SLC8A1: variants seen among roughly 807,000 people sequenced by gnomAD.
SLC8A1 encodes the protein solute carrier family 8 member A1.
SLC8A1 carries 18 observed loss-of-function variants against 68.3 expected under a neutral mutation model. The ratio of observed to expected loss-of-function variants is 0.26; its 90% CI spans 0.18 to 0.39. SLC8A1 has a LOEUF of 0.39. Ranked by LOEUF, SLC8A1 falls within the 10% of genes least tolerant of loss-of-function variation. The probability of loss-of-function intolerance (pLI) is 1.00; values close to 1 mark genes in which losing one functional copy is unlikely to be tolerated. For synonymous variants in SLC8A1, 475 were observed against 415.5 expected (o/e 1.14, Z -1.74); for missense variants, 985 against 1,156.7 (o/e 0.85, Z 2.15).
chr2:40,347,403 T>C lies in SLC8A1; in HGVS notation c.1808+81070A>G, dbSNP rs550186357. Among the ~76,000 whole-genome samples the C allele has an allele frequency of 5.3e-5, 8 of 152,340 alleles. No homozygotes were observed. The South Asian group carries it at 1.4e-3, about 28-fold the overall frequency. ...CCCATCACAGGGCCTTTGAATGTAC[T>C]ATCGTAGAAGTCAGCAGAGAAAGAA... On this transcript the variant is annotated intron_variant, in intron 2 of 7. Coordinates refer to ENST00000406785, the Ensembl canonical transcript of SLC8A1.
chr2:40,480,071 G>A (rs1411139627), intron 1 of SLC8A1, among the ~76,000 whole-genome samples: 3 of 152,194 alleles, frequency 2.0e-5, no homozygotes, highest in Admixed American at 1.3e-4. Flanking sequence ...AACAGTGCAC[G>A]TTTATTGTTT....
chr2:40,482,297 G>T (rs1376690223), intron 1 of SLC8A1, among the ~76,000 whole-genome samples: 1 of 151,820 alleles, frequency 6.6e-6, no homozygotes, highest in Non-Finnish European at 1.5e-5. Flanking sequence ...GTCATTTATA[G>T]CCTCTGACTC....
upstream of SLC8A1, among the ~76,000 whole-genome samples, chr2:40,454,866 T>C (rs1702910053): frequency 2.6e-5 from 4 of 152,338 alleles, no homozygotes; most frequent in Admixed American, 2.6e-4. Flanking sequence ...AGGAAGACTA[T>C]GGCTCTAAGA....
chr2:40,139,929 C>A (rs1461445883), intron 6 of SLC8A1, among the ~76,000 whole-genome samples: 2 of 152,204 alleles, frequency 1.3e-5, no homozygotes, highest in African/African-American at 4.8e-5. Flanking sequence ...TGCATCCATG[C>A]AATCAACACA....
At chr2:40,295,459 A>C (rs2070186136) in intron 2 of SLC8A1, among the ~76,000 whole-genome samples, 2 of 152,304 alleles carry the variant, frequency 1.3e-5, no homozygotes, top group African/African-American at 4.8e-5. Context: ...GATTTGGTGT[A>C]TACTATGTCA....
At chr2:40,229,177 G>T (rs926784669) in intron 2 of SLC8A1, among the ~76,000 whole-genome samples, 1 of 152,104 alleles carries the variant, frequency 6.6e-6, no homozygotes, top group Admixed American at 6.6e-5. Context: ...CATGTAAACT[G>T]AATTGGTTCC....
chr2:40,245,664 T>C (rs1356456542), intron 2 of SLC8A1, among the ~76,000 whole-genome samples: 5 of 152,182 alleles, frequency 3.3e-5, no homozygotes, highest in African/African-American at 4.8e-5. Flanking sequence ...TTTTGTTTTA[T>C]ATTACTTAAA....
chr2:40,312,655 G>T (rs147597366), intron 2 of SLC8A1, among the ~76,000 whole-genome samples: 81 of 152,072 alleles, frequency 5.3e-4, no homozygotes, highest in Non-Finnish European at 6.6e-4. Context: ...AAACCAATGG[G>T]TCACATACAT....
At chr2:40,203,872 T>C (rs2148725171) in intron 2 of SLC8A1, among the ~76,000 whole-genome samples, 1 of 152,026 alleles carries the variant, frequency 6.6e-6, no homozygotes, top group African/African-American at 2.4e-5. Flanking sequence ...ACCTGGCTAA[T>C]TTTTTAATTA....
intron 2 of SLC8A1, chr2:40,213,256 T>C (rs1185310324): frequency 3.3e-5 from 5 of 152,128 alleles, no homozygotes; most frequent in African/African-American, 1.2e-4. Context: ...AAACCTACCA[T>C]TGAAGATGTT....
At chr2:40,098,836 C>G (rs553750322) in exon 8 of SLC8A1, 3 of 151,928 alleles carry the variant, frequency 2.0e-5, no homozygotes, top group African/African-American at 4.8e-5. Flanking sequence ...GTGTTTCTTA[C>G]AATCACATTC....
chr2:40,399,659 T>C (rs1688090004), intron 2 of SLC8A1, among the ~76,000 whole-genome samples: 1 of 152,192 alleles, frequency 6.6e-6, no homozygotes. Context: ...TGGGAAATAC[T>C]AATATTAAGT....
At chr2:40,244,515 A>G (rs539203849) in intron 2 of SLC8A1, among the ~76,000 whole-genome samples, 2 of 149,812 alleles carry the variant, frequency 1.3e-5, no homozygotes, top group East Asian at 2.1e-4. Flanking sequence ...CTGTGAGAGA[A>G]TGTTGTTTTT....
At chr2:40,301,257 A>G (rs1372621350) in intron 2 of SLC8A1, among the ~76,000 whole-genome samples, 2 of 152,198 alleles carry the variant, frequency 1.3e-5, no homozygotes, top group East Asian at 1.9e-4. Context: ...TATAAACTGG[A>G]TGTTATAAGT....
intron 2 of SLC8A1, among the ~76,000 whole-genome samples, chr2:40,410,617 G>T (rs11898089): frequency 0.011 from 1,668 of 151,980 alleles, 26 homozygotes; most frequent in African/African-American, 0.037. Context: ...TGTATAACAT[G>T]ATATTTTGAA....
intron 2 of SLC8A1, among the ~76,000 whole-genome samples, chr2:40,198,216 G>A (rs1054467237): frequency 6.6e-6 from 1 of 151,854 alleles, no homozygotes; most frequent in African/African-American, 2.4e-5. Flanking sequence ...TAAAATATAG[G>A]GATTAGAAGT....
At chr2:40,341,851 C>T (rs1667797263) in intron 2 of SLC8A1, among the ~76,000 whole-genome samples, 1 of 152,124 alleles carries the variant, frequency 6.6e-6, no homozygotes, top group Non-Finnish European at 1.5e-5. Context: ...CAAGGAAGGA[C>T]ATTAATTCTT....
At chr2:40,370,754 T>A (rs566269249) in intron 2 of SLC8A1, among the ~76,000 whole-genome samples, 1 of 152,072 alleles carries the variant, frequency 6.6e-6, no homozygotes, top group African/African-American at 2.4e-5. Context: ...TATTTTACAA[T>A]TTACAAAGCA....
intron 2 of SLC8A1, among the ~76,000 whole-genome samples, chr2:40,270,846 G>T (rs2065935052): frequency 6.6e-6 from 1 of 152,156 alleles, no homozygotes; most frequent in Non-Finnish European, 1.5e-5. Context: ...TCTAAGATAA[G>T]AAGCTGGCAG....
Sources: allele counts gnomAD v4.1 joint callset (sites outside exome capture counted in the v4.1 genomes callset), GRCh38; gene constraint gnomAD v4.1.1; transcripts MANE v1.5; gene names NCBI Gene and HGNC (gene_info 2026-07-23, HGNC 2026-07-21).